Variants in NRG1 observed in about 807,000 individuals in gnomAD.
NRG1 encodes neuregulin 1, also known as pro-neuregulin-1, membrane-bound isoform.
A neutral mutation model predicts 63.8 loss-of-function variants in NRG1; 18 were observed. That is an observed-to-expected ratio of 0.28 (90% CI 0.19 to 0.42). The LOEUF (loss-of-function observed/expected upper bound fraction) is 0.42, where lower values mean the gene tolerates loss of function less well. Ranked by LOEUF, NRG1 falls within the 10% of genes least tolerant of loss-of-function variation. The pLI, the probability that NRG1 is intolerant of heterozygous loss-of-function variation, is 1.00. For missense variants in NRG1, 762 were observed against 814.7 expected (o/e 0.94, Z 0.79); for synonymous variants, 302 against 301.3 (o/e 1.00, Z -0.02).
Position 31,923,133 on chromosome 8 carries a change from C to CT in NRG1, c.37+283708dup, listed in dbSNP as rs554960661. On this transcript the variant is annotated intron_variant, in intron 1 of 10. Coordinates refer to the NRG1 transcript ENST00000519301. ...AGTATGATGTTTTAGTCTCTCTTTT[C>CT]TTTTTTAGAAACCTTCACTATGTTA... 7.3e-4 allele frequency among the ~76,000 whole-genome samples: 111 copies of CT among 152,094 alleles called. 1 individual carries two copies. Among genetic ancestry groups the CT allele is most frequent in the South Asian group, 3.1e-3 (15 of 4,820 alleles).
chr8:31,983,774 A>G (rs1319724600), intron 1 of NRG1, among the ~76,000 whole-genome samples: 1 of 152,076 alleles, frequency 6.6e-6, no homozygotes, highest in Non-Finnish European at 1.5e-5. Flanking sequence ...GAGGATCTTC[A>G]CAAGCTTCTA....
chr8:32,057,699 T>A (rs537106681), intron 1 of NRG1, among the ~76,000 whole-genome samples: 1 of 152,306 alleles, frequency 6.6e-6, no homozygotes, highest in East Asian at 1.9e-4. Flanking sequence ...TTTGAACTTT[T>A]CACTTTTCCT....
In NRG1 at chr8:32,072,151, T is replaced by C. The variant is rs968262911; in HGVS notation, c.37+432720T>C. Among the ~76,000 whole-genome samples, 4 of 152,184 alleles carry C rather than the reference T, an allele frequency of 2.6e-5. No homozygotes were observed. The East Asian group carries it at 5.8e-4, about 22-fold the overall frequency. ...TTAAATAAACTTAAGCAAGGTATCT[T>C]TATCCTGAAGGAATTCTTAGAGATT... On this transcript the variant is annotated intron_variant, in intron 1 of 10. Coordinates refer to the NRG1 transcript ENST00000519301.
At chr8:32,016,684 C>T (rs551581096) in intron 1 of NRG1, among the ~76,000 whole-genome samples, 19 of 152,078 alleles carry the variant, frequency 1.2e-4, no homozygotes, top group South Asian at 1.0e-3. Flanking sequence ...TACAGTTTTC[C>T]GTTGTTTATT....
At chr8:31,959,995 T>G (rs1805180502) in intron 1 of NRG1, among the ~76,000 whole-genome samples, 1 of 151,758 alleles carries the variant, frequency 6.6e-6, no homozygotes, top group African/African-American at 2.4e-5. Context: ...AGTAACTGAG[T>G]TTTGTGAGAA....
chr8:31,987,791 G>A (rs1376648410), intron 1 of NRG1, among the ~76,000 whole-genome samples: 1 of 152,038 alleles, frequency 6.6e-6, no homozygotes, highest in Non-Finnish European at 1.5e-5. Flanking sequence ...TCCAACCTCA[G>A]CATTTTAAAT....
At chr8:32,089,991 T>C (rs181985666) in intron 1 of NRG1, among the ~76,000 whole-genome samples, 1 of 152,318 alleles carries the variant, frequency 6.6e-6, no homozygotes, top group Admixed American at 6.5e-5. Context: ...TTATTATTAA[T>C]TTTTTAGTGG....
intron 1 of NRG1, among the ~76,000 whole-genome samples, chr8:32,021,157 T>A (rs373595186): frequency 1.3e-5 from 2 of 152,308 alleles, no homozygotes; most frequent in Admixed American, 1.3e-4. Context: ...TTTATTTTTT[T>A]CAGAAAAAAT....
intron 1 of NRG1, among the ~76,000 whole-genome samples, chr8:32,583,109 C>T (rs1299822208): frequency 6.6e-6 from 1 of 151,784 alleles, no homozygotes; most frequent in African/African-American, 2.4e-5. Context: ...AGATATTTGT[C>T]ATGTAATTTC....
intron 1 of NRG1, among the ~76,000 whole-genome samples, chr8:32,378,901 A>G (rs905624246): frequency 2.0e-5 from 3 of 151,896 alleles, no homozygotes; most frequent in African/African-American, 7.3e-5. Context: ...TAGTTTGCTG[A>G]GAATGATGGT....
At chr8:31,701,595 A>G (rs1810639219) in intron 1 of NRG1, among the ~76,000 whole-genome samples, 1 of 152,134 alleles carries the variant, frequency 6.6e-6, no homozygotes, top group South Asian at 2.1e-4. Context: ...ATGGAGAGGT[A>G]GGTAAAGAAA....
At chr8:32,750,625 G>A (rs996185349) in intron 7 of NRG1, among the ~76,000 whole-genome samples, 1 of 149,460 alleles carries the variant, frequency 6.7e-6, no homozygotes, top group African/African-American at 2.5e-5. Context: ...TGGACATAAT[G>A]TAGTTTCCAG....
chr8:32,171,388 G>A (rs1442992470), intron 1 of NRG1: 1 of 152,244 alleles, frequency 6.6e-6, no homozygotes, highest in Non-Finnish European at 1.5e-5. Context: ...GGCCGAATAG[G>A]AAGAGCTCCA....
intron 1 of NRG1, among the ~76,000 whole-genome samples, chr8:32,522,314 A>G (rs1213380099): frequency 2.0e-5 from 3 of 152,186 alleles, no homozygotes; most frequent in Non-Finnish European, 2.9e-5. Flanking sequence ...CAGTTTCCAC[A>G]TAATGTTGCT....
intron 1 of NRG1, among the ~76,000 whole-genome samples, chr8:32,101,803 T>C (rs1003519730): frequency 2.0e-5 from 3 of 152,200 alleles, no homozygotes; most frequent in African/African-American, 7.2e-5. Flanking sequence ...AATGCCCTAT[T>C]GTGCATCTTT....
rs188113087 is a variant in NRG1 at position 31,857,345 on chromosome 8, G to A, written c.37+217914G>A. On this transcript the variant is annotated intron_variant, in intron 1 of 10. Transcript: ENST00000519301. The stretch of plus-strand genomic sequence containing the variant: ...TGTTTTTTAAGCCGGTTGGAAAAGC[G>A]CAGTATTCAGGTGGGAGTGACCCGA... Among the ~76,000 whole-genome samples, 22 of 152,264 alleles carry A rather than the reference G, an allele frequency of 1.4e-4. No homozygotes were observed. The East Asian group carries it at 2.7e-3, about 19-fold the overall frequency.
intron 1 of NRG1, among the ~76,000 whole-genome samples, chr8:32,379,659 G>C (rs1188894293): frequency 6.6e-6 from 1 of 152,204 alleles, no homozygotes; most frequent in Non-Finnish European, 1.5e-5. Flanking sequence ...CTCACTGTAA[G>C]ATTGACATAG....
At chr8:31,763,921 G>C (rs1179106029) in intron 1 of NRG1, among the ~76,000 whole-genome samples, 1 of 151,032 alleles carries the variant, frequency 6.6e-6, no homozygotes, top group Admixed American at 6.6e-5. Context: ...CCACACTCCA[G>C]CCTGGGTGAC....
chr8:32,351,187 A>G (rs1805557524), intron 1 of NRG1, among the ~76,000 whole-genome samples: 1 of 145,318 alleles, frequency 6.9e-6, no homozygotes, highest in Non-Finnish European at 1.5e-5. Flanking sequence ...TCACTTTCAC[A>G]CCTACATACT....
Sources: gnomAD v4.1 joint callset for allele counts (sites outside exome capture counted in the v4.1 genomes callset) on GRCh38, gnomAD v4.1.1 for gene constraint, MANE v1.5 for transcripts, NCBI Gene and HGNC (gene_info 2026-07-23, HGNC 2026-07-21) for gene names.